Variants in CHRM5 observed in about 807,000 individuals in gnomAD.
CHRM5 encodes the protein cholinergic receptor muscarinic 5, also known as muscarinic acetylcholine receptor M5.
Under a neutral mutation model 39.0 loss-of-function variants are expected in CHRM5, and 18 were observed. The ratio of observed to expected loss-of-function variants is 0.46; its 90% CI spans 0.32 to 0.68. The LOEUF (loss-of-function observed/expected upper bound fraction) is 0.68. Ranked by LOEUF, CHRM5 falls within the 30% of genes least tolerant of loss-of-function variation. CHRM5 has a pLI of 0.04. For missense variants in CHRM5, 515 were observed against 651.1 expected, an observed-to-expected ratio of 0.79 and a Z score of 2.28; for synonymous variants, 241 against 246.3, an observed-to-expected ratio of 0.98 and a Z score of 0.20.
At chr15:33,999,365 T>C (rs1407347231) in intron 1 of CHRM5, among the ~76,000 whole-genome samples, 1 of 152,210 alleles carries the variant, frequency 6.6e-6, no homozygotes, top group Non-Finnish European at 1.5e-5. Flanking sequence ...AGTGCTTTCA[T>C]TAGACTCTAC....
At chr15:34,054,541 T>C (rs1342392945) in intron 2 of CHRM5, among the ~76,000 whole-genome samples, 1 of 151,608 alleles carries the variant, frequency 6.6e-6, no homozygotes, top group Non-Finnish European at 1.5e-5. Context: ...ATAGATGGAG[T>C]TGGAAGCTAT....
intron 1 of CHRM5, among the ~76,000 whole-genome samples, chr15:34,023,530 C>G (rs1384483239): frequency 6.6e-6 from 1 of 152,200 alleles, no homozygotes; most frequent in Non-Finnish European, 1.5e-5. Flanking sequence ...GTCATTCATT[C>G]TTGCAAAACC....
In CHRM5 at chr15:34,054,282, G is replaced by A. The variant is rs116255306; in HGVS notation, c.-76+7411G>A. Among the ~76,000 whole-genome samples, 277 of 152,296 alleles carry A rather than the reference G, an allele frequency of 1.8e-3. 1 individual carries two copies. Among genetic ancestry groups the A allele is most frequent in the African/African-American group, 6.4e-3 (265 of 41,556 alleles). On this transcript the variant is annotated intron_variant, in intron 2 of 2. Transcript: ENST00000383263. ...GAATACTGTGTGGCAATTCCTCAAA[G>A]TCCTAGAGGCAGACATACCATTTGA...
At chr15:34,021,057 T>C (rs1567472087) in intron 1 of CHRM5, among the ~76,000 whole-genome samples, 1 of 152,232 alleles carries the variant, frequency 6.6e-6, no homozygotes, top group Non-Finnish European at 1.5e-5. Flanking sequence ...TCTCTAGCTT[T>C]CCAGCATCTG....
intron 1 of CHRM5, among the ~76,000 whole-genome samples, chr15:34,011,024 G>A (rs562782591): frequency 6.6e-5 from 10 of 151,896 alleles, no homozygotes; most frequent in African/African-American, 2.2e-4. Flanking sequence ...GACAGTTTTC[G>A]ATATTTGAAA....
Position 33,981,401 on chromosome 15 carries a change from C to T in CHRM5, c.-408+12251C>T, listed in dbSNP as rs1896136928. Reference sequence around the variant, plus strand: ...AGTAGCAAGCATAAGAGTATTGCTCCCATTGTCATGACCAGATCAAAAGGC... The same window carrying T: ...AGTAGCAAGCATAAGAGTATTGCTCTCATTGTCATGACCAGATCAAAAGGC... On this transcript the variant is annotated intron_variant, in intron 1 of 2. Coordinates refer to ENST00000383263, the MANE Select transcript of CHRM5 (RefSeq NM_012125.4). 2.7e-5 allele frequency among the ~76,000 whole-genome samples: 4 copies of T among 150,534 alleles called. No homozygotes were observed. The South Asian group carries it at 8.5e-4, about 32-fold the overall frequency.
intron 1 of CHRM5, among the ~76,000 whole-genome samples, chr15:34,006,777 A>T (rs1426430099): frequency 6.6e-6 from 1 of 152,214 alleles, no homozygotes; most frequent in Non-Finnish European, 1.5e-5. Flanking sequence ...TTCACAAGAG[A>T]GTAGTAAGAA....
chr15:33,980,254 G>A (rs1027620948), intron 1 of CHRM5, among the ~76,000 whole-genome samples: 1 of 148,932 alleles, frequency 6.7e-6, no homozygotes, highest in African/African-American at 2.4e-5. Flanking sequence ...TGACAGACAT[G>A]CACACTCCCA....
chr15:33,979,061 T>A (rs909277749), intron 1 of CHRM5, among the ~76,000 whole-genome samples: 2 of 152,220 alleles, frequency 1.3e-5, no homozygotes, highest in Non-Finnish European at 2.9e-5. Flanking sequence ...TACTTGAGAA[T>A]ATTCCACATT....
At position 34,064,549 on chromosome 15, in the gene CHRM5, T is replaced by G. The variant is rs951381547; in HGVS notation, c.*233T>G. ...CCAAGGCCATTTGATGCCAGGGGAG[T>G]TTGCCAATGAAGTAAAGGGATAGGC... On this transcript the variant is annotated 3_prime_UTR_variant, in exon 3 of 3. Transcript: ENST00000383263. 1.8e-6 allele frequency: 1 copy of G among 570,180 alleles called. No homozygotes were observed. The highest frequency in any genetic ancestry group is 1.9e-5 in the African/African-American group (1 of 52,982). 35.3% of individuals were successfully genotyped at this position (570,180 alleles called of 1,614,324 possible).
intron 1 of CHRM5, chr15:34,039,166 G>T: frequency 1.1e-6 from 1 of 870,760 alleles, no homozygotes; most frequent in Non-Finnish European, 1.4e-6. Context: ...TAGCAGCGAG[G>T]CGCGGGGTGC....
chr15:34,039,856 G>A lies in CHRM5; in HGVS notation c.-407-6684G>A, dbSNP rs370352998. Among the ~76,000 whole-genome samples the A allele has an allele frequency of 2.7e-3, 411 of 152,298 alleles. 6 individuals are homozygous for A. Among genetic ancestry groups the A allele is most frequent in the Middle Eastern group, 0.017 (5 of 294 alleles). The stretch of plus-strand genomic sequence containing the variant: ...AGGTTAAAAAAAACTTGACTAAAGT[G>A]AATAACTAGGTAGTGGTGGAACTGG... On this transcript the variant is annotated intron_variant, in intron 1 of 2. Transcript: ENST00000383263.
At chr15:33,980,913 A>G (rs683470) in intron 1 of CHRM5, among the ~76,000 whole-genome samples, 123,224 of 152,128 alleles carry the variant, frequency 0.81, 54,657 homozygotes, top group Non-Finnish European at 0.98. Flanking sequence ...AAATCGTATC[A>G]CTAGAGCCTC....
At chr15:33,977,262 C>T (rs1895924345) in intron 1 of CHRM5, among the ~76,000 whole-genome samples, 1 of 151,912 alleles carries the variant, frequency 6.6e-6, no homozygotes, top group African/African-American at 2.4e-5. Flanking sequence ...ATAACAAGAA[C>T]AAGCTCCAAT....
intron 1 of CHRM5, among the ~76,000 whole-genome samples, chr15:33,984,460 T>C (rs545633220): frequency 1.3e-5 from 2 of 151,934 alleles, no homozygotes; most frequent in African/African-American, 4.8e-5. Flanking sequence ...TGGAGTGCAA[T>C]GGCATGATCT....
At chr15:33,999,429 C>T (rs1412999544) in intron 1 of CHRM5, among the ~76,000 whole-genome samples, 1 of 152,118 alleles carries the variant, frequency 6.6e-6, no homozygotes, top group African/African-American at 2.4e-5. Flanking sequence ...ATTGAGTGTG[C>T]CAGCCATTTA....
chr15:34,008,908 A>G (rs947366530), intron 1 of CHRM5, among the ~76,000 whole-genome samples: 36 of 148,888 alleles, frequency 2.4e-4, no homozygotes, highest in African/African-American at 7.8e-4. Context: ...GACCCACTCC[A>G]TTTTGTTAAG....
intron 1 of CHRM5, among the ~76,000 whole-genome samples, chr15:34,014,447 C>G (rs1897789714): frequency 6.7e-6 from 1 of 149,178 alleles, no homozygotes; most frequent in East Asian, 2.0e-4. Flanking sequence ...ATGGTTTTCC[C>G]AGGTCCCCTG....
chr15:34,058,937 C>T (rs1338360179), intron 2 of CHRM5, among the ~76,000 whole-genome samples: 1 of 152,146 alleles, frequency 6.6e-6, no homozygotes, highest in Non-Finnish European at 1.5e-5. Context: ...CACTCTGTCG[C>T]CCAGGCTGGA....
Sources: gnomAD v4.1 joint callset for allele counts (sites outside exome capture counted in the v4.1 genomes callset) on GRCh38, gnomAD v4.1.1 for gene constraint, MANE v1.5 for transcripts, NCBI Gene and HGNC (gene_info 2026-07-23, HGNC 2026-07-21) for gene names.